Variants in RASA3 observed in about 807,000 individuals in gnomAD.
The protein encoded by RASA3 is RAS p21 protein activator 3, also known as ras GTPase-activating protein 3.
In RASA3, 73 loss-of-function variants were observed where a neutral mutation model predicts 110.0. The observed-to-expected ratio is 0.66, with a 90% CI of 0.55 to 0.81. The LOEUF is 0.81. Among genes scored for constraint, RASA3 ranks in the 30% least tolerant of loss-of-function variants. The pLI is 0.00. For missense variants in RASA3, 976 were observed against 1,113.2 expected, an observed-to-expected ratio of 0.88 and a Z score of 1.75; for synonymous variants, 500 against 451.4, an observed-to-expected ratio of 1.11 and a Z score of -1.37.
intron 1 of RASA3, among the ~76,000 whole-genome samples, chr13:114,094,282 T>A (rs1021109557): frequency 2.6e-5 from 4 of 152,174 alleles, no homozygotes; most frequent in African/African-American, 9.7e-5. Flanking sequence ...CACTCCTAGG[T>A]ATATACTTAA....
chr13:114,027,803 C>G lies in RASA3; in HGVS notation c.530+44G>C, dbSNP rs554442828. On this transcript the variant is annotated intron_variant, in intron 6 of 23. Transcript: ENST00000334062. ...TCGTGATTTCAGAGCTGGACCCTAGCCCCCCAGGACCAGAACAGAAACCTG... is the reference window on the plus strand; with the variant it reads ...TCGTGATTTCAGAGCTGGACCCTAGGCCCCCAGGACCAGAACAGAAACCTG... The G allele has an allele frequency of 2.5e-6, 4 of 1,573,350 alleles. No homozygotes were observed. In the African/African-American group the frequency reaches 4.1e-5, roughly 16 times the overall value.
chr13:114,013,726 G>A (rs551154350), intron 14 of RASA3, among the ~76,000 whole-genome samples: 8 of 34,740 alleles, frequency 2.3e-4, no homozygotes, highest in East Asian at 8.2e-4. Flanking sequence ...CTCTCTCTCC[G>A]TCCGTCTGTC....
intron 22 of RASA3, among the ~76,000 whole-genome samples, chr13:113,989,374 C>CCCATCACTCACCCATCCGTCCATCCAT (rs2053049925): frequency 6.8e-6 from 1 of 147,054 alleles, no homozygotes; most frequent in Admixed American, 6.8e-5. Context: ...TGTCCATCCA[C>CCCATCACTCACCCATCCGTCCATCCAT]CCATCACTCA....
chr13:114,124,925 CAT>C (rs149321535), intron 1 of RASA3, among the ~76,000 whole-genome samples: 1,682 of 152,320 alleles, frequency 0.011, 85 homozygotes, highest in Admixed American at 0.078. Flanking sequence ...GCATAATAGA[CAT>C]ATACTTGCTG....
chr13:113,997,053 C>A lies in RASA3; in HGVS notation c.1933-314G>T, dbSNP rs374238301. Among the ~76,000 whole-genome samples the A allele has an allele frequency of 3.9e-5, 6 of 152,330 alleles. 1 individual carries two copies. ...CTTTATGTCCTGGAGCCTTGGAGGT[C>A]TCCATTCAAGACAAAAGAGGGGCCC... On this transcript the variant is annotated intron_variant, in intron 20 of 23. Transcript: ENST00000334062.
rs1037541143 is a variant in RASA3 at position 114,104,397 on chromosome 13, T to C, written c.55+28038A>G. On this transcript the variant is annotated intron_variant, in intron 1 of 23. Transcript: ENST00000334062. ...CCCAGCCACAGACACCCACTGGTGA[T>C]GCGGCCTGAGATGCCACCACACCCT... Among the ~76,000 whole-genome samples, 4 of 151,846 alleles carry C rather than the reference T, an allele frequency of 2.6e-5. No individual in the cohort carries two copies. The East Asian group carries it at 5.8e-4, about 22-fold the overall frequency.
At position 114,078,011 on chromosome 13, in the gene RASA3, C is replaced by G. The variant is rs950834475; in HGVS notation, c.56-4174G>C. On this transcript the variant is annotated intron_variant, in intron 1 of 23. Transcript: ENST00000334062. ...GAAACAGAAAAAAAAAAAAAAAACTCCTGAGAAACATCCTGGTTGCTATGA... is the reference window on the plus strand; with the variant it reads ...GAAACAGAAAAAAAAAAAAAAAACTGCTGAGAAACATCCTGGTTGCTATGA... 9.7e-6 allele frequency: 8 copies of G among 824,396 alleles called. No individual in the cohort carries two copies. In the African/African-American group the frequency reaches 1.1e-4, roughly 11 times the overall value. 51.1% of individuals were successfully genotyped at this position (824,396 alleles called of 1,614,324 possible).
intron 2 of RASA3, among the ~76,000 whole-genome samples, chr13:114,059,410 C>T (rs4883646): frequency 0.1 from 15,694 of 152,274 alleles, 1,117 homozygotes; most frequent in African/African-American, 0.18. Flanking sequence ...GAAGCCAATG[C>T]GAGGAGGCGC....
At chr13:113,981,626 C>T in intron 23 of RASA3, 49 bp downstream of exon 23, 1 of 1,584,076 alleles carries the variant, frequency 6.3e-7, no homozygotes, top group Non-Finnish European at 8.6e-7. Context: ...ACTGCAATCT[C>T]CCGCCCACTA....
At chr13:114,079,654 A>C (rs1480067015) in intron 1 of RASA3, among the ~76,000 whole-genome samples, 2 of 152,244 alleles carry the variant, frequency 1.3e-5, no homozygotes, top group Non-Finnish European at 2.9e-5. Context: ...GTCCTCCTCC[A>C]GGCCCTGGCA....
intron 1 of RASA3, among the ~76,000 whole-genome samples, chr13:114,129,569 T>TAA (rs575473825): frequency 6.6e-6 from 1 of 152,134 alleles, no homozygotes; most frequent in Non-Finnish European, 1.5e-5. Context: ...CCCTATACCT[T>TAA]AAAAAAAGCT....
intron 14 of RASA3, 42 bp from the exon 15 acceptor site, chr13:114,013,290 A>G (rs1189314207): frequency 4.0e-6 from 6 of 1,506,404 alleles, no homozygotes; most frequent in Non-Finnish European, 5.5e-6. Flanking sequence ...CCTCGGGCAC[A>G]ATGGCCTCGT....
In RASA3 at chr13:113,978,088, C is replaced by T. The variant is rs2052815744; in HGVS notation, c.*1259G>A. On this transcript the variant is annotated 3_prime_UTR_variant, in exon 24 of 24. Coordinates refer to ENST00000334062, the MANE Select transcript of RASA3 (RefSeq NM_007368.4). ...TTAAACGGCGCTTCCCACACACCTG[C>T]CGTCTGCATCCCGGGAGGACGCCCT... 6.6e-6 allele frequency: 1 copy of T among 152,228 alleles called. No homozygotes were observed. Among genetic ancestry groups the T allele is most frequent in the Non-Finnish European group, 1.5e-5 (1 of 68,042 alleles). 9.4% of individuals were successfully genotyped at this position (152,228 alleles called of 1,614,324 possible). A position where few individuals can be genotyped will look rare whatever the true frequency, so the allele number is the denominator to read the frequency against.
In RASA3 at chr13:113,979,332, C is replaced by G. The variant is rs773884260; in HGVS notation, c.*15G>C. 3 of 1,571,164 alleles carry G rather than the reference C, an allele frequency of 1.9e-6. No homozygotes were observed. Among genetic ancestry groups the G allele is most frequent in the Non-Finnish European group, 2.6e-6 (3 of 1,141,428 alleles). The stretch of plus-strand genomic sequence containing the variant: ...TGGGCAGCTTGCTGGCGCCACTGGG[C>G]GCGTCCCGCAGACTTTAAATGGAAT... On this transcript the variant is annotated 3_prime_UTR_variant, in exon 24 of 24. Coordinates refer to ENST00000334062, the MANE Select transcript of RASA3 (RefSeq NM_007368.4).
chr13:114,026,854 A>C (rs4883641), intron 7 of RASA3, among the ~76,000 whole-genome samples: 107,638 of 152,138 alleles, frequency 0.71, 38,921 homozygotes, highest in African/African-American at 0.87. Flanking sequence ...AAACGGGGTC[A>C]CATTCCACCA....
chr13:114,004,834 G>A (rs538006662), intron 18 of RASA3, among the ~76,000 whole-genome samples: 2 of 152,288 alleles, frequency 1.3e-5, no homozygotes, highest in South Asian at 4.1e-4. Context: ...TACGTTTACC[G>A]CTGAACCACT....
At chr13:114,030,011 T>C in intron 4 of RASA3, 124 bp from the exon 5 acceptor site, 1 of 824,714 alleles carries the variant, frequency 1.2e-6, no homozygotes, top group Non-Finnish European at 2.0e-6. Flanking sequence ...CCCTGGCCAA[T>C]GGGCACGTCC....
intron 1 of RASA3, among the ~76,000 whole-genome samples, chr13:114,083,028 G>C (rs34346529): frequency 0.47 from 71,965 of 152,074 alleles, 19,517 homozygotes; most frequent in Non-Finnish European, 0.62. Flanking sequence ...TTCTCAAAAA[G>C]TGCGTCATCA....
chr13:114,082,442 G>T (rs1449808401), intron 1 of RASA3, among the ~76,000 whole-genome samples: 1 of 152,256 alleles, frequency 6.6e-6, no homozygotes, highest in Non-Finnish European at 1.5e-5. Flanking sequence ...CTGCCTCGGA[G>T]AGAGATGCTT....
Sources: gnomAD v4.1 joint callset for allele counts (sites outside exome capture counted in the v4.1 genomes callset) on GRCh38, gnomAD v4.1.1 for gene constraint, MANE v1.5 for transcripts, NCBI Gene and HGNC (gene_info 2026-07-23, HGNC 2026-07-21) for gene names.